Variants in CRPPA observed in about 807,000 individuals in gnomAD.
CRPPA encodes the protein D-ribitol-5-phosphate cytidylyltransferase.
In CRPPA, 43 loss-of-function variants were observed where a neutral mutation model predicts 52.0. That is an observed-to-expected ratio of 0.83 (90% CI 0.65 to 1.07). The LOEUF (loss-of-function observed/expected upper bound fraction) is 1.07, where lower values mean the gene tolerates loss of function less well. Among genes scored for constraint, CRPPA ranks in the 50% least tolerant of loss-of-function variants. CRPPA has a pLI of 0.00. For synonymous variants in CRPPA, 250 were observed against 203.5 expected, an observed-to-expected ratio of 1.23 and a Z score of -1.94; for missense variants, 629 against 551.7, an observed-to-expected ratio of 1.14 and a Z score of -1.40.
At chr7:16,345,505 T>C (rs975017198) in intron 3 of CRPPA, among the ~76,000 whole-genome samples, 4 of 152,174 alleles carry the variant, frequency 2.6e-5, no homozygotes, top group African/African-American at 9.7e-5. Context: ...CTGATTTATA[T>C]GACAACTATA....
intron 5 of CRPPA, among the ~76,000 whole-genome samples, chr7:16,286,762 A>C (rs933206170): frequency 1.3e-5 from 2 of 152,206 alleles, no homozygotes; most frequent in Admixed American, 1.3e-4. Flanking sequence ...ACATAAAAGT[A>C]TCTCTCTCAA....
At chr7:16,276,056 AT>A (rs1490528665) in intron 6 of CRPPA, among the ~76,000 whole-genome samples, 8 of 152,040 alleles carry the variant, frequency 5.3e-5, no homozygotes, top group Admixed American at 2.0e-4. Flanking sequence ...AATTTAAAAA[AT>A]ATTTCAGAAA....
chr7:16,149,736 A>G (rs1783039160), intron 9 of CRPPA, among the ~76,000 whole-genome samples: 1 of 152,220 alleles, frequency 6.6e-6, no homozygotes, highest in Non-Finnish European at 1.5e-5. Flanking sequence ...CTGTAATCCC[A>G]GCAATTTGGG....
At chr7:16,378,993 G>C (rs1464482795) in intron 2 of CRPPA, among the ~76,000 whole-genome samples, 1 of 152,066 alleles carries the variant, frequency 6.6e-6, no homozygotes, top group Non-Finnish European at 1.5e-5. Flanking sequence ...GTTCATTGTA[G>C]ATTCTGGATA....
At chr7:16,238,753 C>T (rs1783019378) in intron 8 of CRPPA, among the ~76,000 whole-genome samples, 1 of 152,074 alleles carries the variant, frequency 6.6e-6, no homozygotes, top group Admixed American at 6.6e-5. Context: ...AATTATTCTG[C>T]TAAATCTACA....
rs1446167879 is a variant in CRPPA, at chr7:16,134,125, G to A, written c.1252-42326C>T. On this transcript the variant is annotated intron_variant, in intron 9 of 9. Coordinates refer to ENST00000407010, the MANE Select transcript of CRPPA (RefSeq NM_001101426.4). Reference sequence around the variant, plus strand: ...TTTTTGTATTTTTAGCAGAGACGGGGTTTCACCATGTTAGTCAGGATGGTC... The same window carrying A: ...TTTTTGTATTTTTAGCAGAGACGGGATTTCACCATGTTAGTCAGGATGGTC... Among the ~76,000 whole-genome samples, 4 of 124,154 alleles carry A rather than the reference G, an allele frequency of 3.2e-5. 1 individual carries two copies. The highest frequency in any genetic ancestry group is 7.3e-5 in the Non-Finnish European group (4 of 54,548). The allele number at this position is 124,154 out of a possible 152,430, so 81.4% of individuals were successfully genotyped here. A position where few individuals can be genotyped will look rare whatever the true frequency, so the allele number is the denominator to read the frequency against.
chr7:16,230,407 T>C (rs113871500), intron 8 of CRPPA, among the ~76,000 whole-genome samples: 18 of 152,280 alleles, frequency 1.2e-4, no homozygotes, highest in Middle Eastern at 3.4e-3. Context: ...ATGCACTCTA[T>C]TGCATTTTTC....
chr7:16,166,747 G>A (rs1452828903), intron 9 of CRPPA, among the ~76,000 whole-genome samples: 4 of 151,994 alleles, frequency 2.6e-5, no homozygotes, highest in Non-Finnish European at 5.9e-5. Flanking sequence ...CTTACATCAC[G>A]ATCTTGCCAG....
intron 2 of CRPPA, among the ~76,000 whole-genome samples, chr7:16,387,229 T>C (rs190112985): frequency 2.6e-5 from 4 of 151,048 alleles, no homozygotes; most frequent in Non-Finnish European, 5.9e-5. Context: ...GCAAAAAATA[T>C]AATGGATTGT....
At chr7:16,174,338 T>C (rs577887109) in intron 9 of CRPPA, among the ~76,000 whole-genome samples, 3 of 152,312 alleles carry the variant, frequency 2.0e-5, no homozygotes, top group East Asian at 3.9e-4. Flanking sequence ...AAGAGGTAGA[T>C]AGTATTTGTG....
chr7:16,342,904 G>A (rs576617006), intron 3 of CRPPA, among the ~76,000 whole-genome samples: 39 of 119,288 alleles, frequency 3.3e-4, no homozygotes, highest in Admixed American at 9.2e-4. Context: ...GCTGGATATC[G>A]TAGTACGTGC....
intron 3 of CRPPA, among the ~76,000 whole-genome samples, chr7:16,360,912 A>T (rs1786425983): frequency 6.6e-6 from 1 of 152,136 alleles, no homozygotes; most frequent in Non-Finnish European, 1.5e-5. Context: ...GCATCAGAAG[A>T]TGTATCAATA....
chr7:16,228,803 C>T (rs1477211744), intron 8 of CRPPA, among the ~76,000 whole-genome samples: 1 of 151,930 alleles, frequency 6.6e-6, no homozygotes, highest in East Asian at 1.9e-4. Flanking sequence ...CTATGTATGT[C>T]TGTTATGTCT....
At chr7:16,389,406 C>T (rs899692265) in intron 2 of CRPPA, among the ~76,000 whole-genome samples, 1 of 152,084 alleles carries the variant, frequency 6.6e-6, no homozygotes, top group Non-Finnish European at 1.5e-5. Flanking sequence ...GCGTTATACA[C>T]CATGACCAAG....
At chr7:16,288,619 G>C (rs1784495600) in intron 5 of CRPPA, among the ~76,000 whole-genome samples, 2 of 151,992 alleles carry the variant, frequency 1.3e-5, no homozygotes, top group South Asian at 4.2e-4. Flanking sequence ...GCCAAGGTGG[G>C]TGCATCACCT....
Position 16,397,346 on chromosome 7 carries a change from T to G in CRPPA, c.534+8715A>C, listed in dbSNP as rs184580563. On this transcript the variant is annotated intron_variant, in intron 2 of 9. Coordinates refer to ENST00000407010, the MANE Select transcript of CRPPA (RefSeq NM_001101426.4). Reference sequence around the variant, plus strand: ...GGACACGTGTGACATGACCAACATGTGTTACAGGTGACTGACGTGTGTAAC... The same window carrying G: ...GGACACGTGTGACATGACCAACATGGGTTACAGGTGACTGACGTGTGTAAC... Among the ~76,000 whole-genome samples, 504 of 152,288 alleles carry G rather than the reference T, an allele frequency of 3.3e-3. 2 individuals carry two copies. Among genetic ancestry groups the G allele is most frequent in the African/African-American group, 0.012 (480 of 41,538 alleles).
chr7:16,383,391 A>T (rs1787165963), intron 2 of CRPPA, among the ~76,000 whole-genome samples: 1 of 152,216 alleles, frequency 6.6e-6, no homozygotes, highest in Non-Finnish European at 1.5e-5. Flanking sequence ...GTGAGGTGTC[A>T]GACTGCCCCT....
chr7:16,392,280 C>T (rs1481728472), intron 2 of CRPPA, among the ~76,000 whole-genome samples: 1 of 152,086 alleles, frequency 6.6e-6, no homozygotes, highest in African/African-American at 2.4e-5. Context: ...TATGTGGTGG[C>T]AGTTTCCCAA....
intron 3 of CRPPA, among the ~76,000 whole-genome samples, chr7:16,359,833 A>T (rs1786395506): frequency 6.6e-6 from 1 of 152,196 alleles, no homozygotes; most frequent in East Asian, 1.9e-4. Context: ...AGGCACAAAC[A>T]GTAATTTTGT....
Sources: gnomAD v4.1 joint callset for allele counts (sites outside exome capture counted in the v4.1 genomes callset) on GRCh38, gnomAD v4.1.1 for gene constraint, MANE v1.5 for transcripts, NCBI Gene and HGNC (gene_info 2026-07-23, HGNC 2026-07-21) for gene names.